The following MTUS2 variants were observed in gnomAD, a reference collection of about 807,000 sequenced individuals.
MTUS2 encodes the protein microtubule-associated tumor suppressor candidate 2.
MTUS2 carries 40 observed loss-of-function variants against 114.1 expected under a neutral mutation model. The ratio of observed to expected loss-of-function variants is 0.35; its 90% CI spans 0.27 to 0.46. The LOEUF is 0.46. Among genes scored for constraint, MTUS2 ranks in the 20% least tolerant of loss-of-function variants. The probability of loss-of-function intolerance (pLI) is 1.00; values close to 1 mark genes in which losing one functional copy is unlikely to be tolerated. For synonymous variants in MTUS2, 688 were observed against 672.0 expected, an observed-to-expected ratio of 1.02 and a Z score of -0.37; for missense variants, 1,679 against 1,705.4, an observed-to-expected ratio of 0.98 and a Z score of 0.27.
chr13:29,207,188 A>G (rs184707154), intron 5 of MTUS2, among the ~76,000 whole-genome samples: 57 of 152,082 alleles, frequency 3.7e-4, no homozygotes, highest in Admixed American at 6.5e-4. Flanking sequence ...TTTTGCAGCT[A>G]TTGTAAAAGG....
intron 8 of MTUS2, among the ~76,000 whole-genome samples, chr13:29,412,914 A>G (rs1184607839): frequency 6.6e-6 from 1 of 152,094 alleles, no homozygotes; most frequent in African/African-American, 2.4e-5. Flanking sequence ...TCTCGTCTTT[A>G]CCAGCTTCAC....
At chr13:29,493,232 C>T (rs368558622) in intron 12 of MTUS2, among the ~76,000 whole-genome samples, 1 of 152,182 alleles carries the variant, frequency 6.6e-6, no homozygotes, top group Non-Finnish European at 1.5e-5. Context: ...GTCTCAGATG[C>T]CAGAGGAGCT....
chr13:29,224,618 C>A (rs1197234790), intron 5 of MTUS2, among the ~76,000 whole-genome samples: 1 of 151,920 alleles, frequency 6.6e-6, no homozygotes, highest in Non-Finnish European at 1.5e-5. Context: ...TTCTAAGTAT[C>A]CTAAATATTC....
intron 2 of MTUS2, among the ~76,000 whole-genome samples, chr13:28,971,825 C>CA (rs1883870895): frequency 6.6e-6 from 1 of 152,070 alleles, no homozygotes; most frequent in Non-Finnish European, 1.5e-5. Context: ...TCCATGTGGC[C>CA]AAAACAGGAC....
chr13:29,327,384 T>C (rs146038925), intron 7 of MTUS2, among the ~76,000 whole-genome samples: 2 of 152,266 alleles, frequency 1.3e-5, no homozygotes, highest in African/African-American at 4.8e-5. Context: ...CCCTTTGTCA[T>C]ACCACCTGCC....
intron 12 of MTUS2, among the ~76,000 whole-genome samples, chr13:29,495,788 T>A (rs544321501): frequency 6.6e-6 from 1 of 152,104 alleles, no homozygotes; most frequent in South Asian, 2.1e-4. Context: ...GGAGGATCAC[T>A]TGAGTCTGGG....
In MTUS2 at chr13:29,492,708, C is replaced by T; in HGVS notation, c.3568C>T (p.Leu1190=). Reference sequence around the variant, plus strand: ...GGAAGAAAATTTTGAAAAACTGCGGCTGTCATTGCAGGTTAGTATTTCTTT... The same window carrying T: ...GGAAGAAAATTTTGAAAAACTGCGGTTGTCATTGCAGGTTAGTATTTCTTT... The part of the protein sequence containing the change: ...ELEENFEKLR[L]SLQDQVDTLT... Residue 1190 remains leucine, a synonymous_variant, in exon 12 of 16, where the codon CTG becomes TTG. Coordinates refer to ENST00000612955, the MANE Select transcript of MTUS2 (RefSeq NM_001033602.4). 3 of 1,612,926 alleles carry T rather than the reference C, an allele frequency of 1.9e-6. No individual in the cohort carries two copies. Among genetic ancestry groups the T allele is most frequent in the Non-Finnish European group, 2.5e-6 (3 of 1,179,002 alleles).
intron 5 of MTUS2, among the ~76,000 whole-genome samples, chr13:29,124,050 A>C (rs1248273471): frequency 6.6e-6 from 1 of 152,206 alleles, no homozygotes; most frequent in Non-Finnish European, 1.5e-5. Flanking sequence ...TAAGGTAAAC[A>C]CATTAGCTTG....
Position 29,503,338 on chromosome 13 carries a change from C to T in MTUS2, c.*132C>T, listed in dbSNP as rs1883037586. 1.0e-6 allele frequency: 1 copy of T among 978,794 alleles called. No homozygotes were observed. Among genetic ancestry groups the T allele is most frequent in the South Asian group, 1.5e-5 (1 of 65,394 alleles). The allele number at this position is 978,794 out of a possible 1,614,324, so 60.6% of individuals were successfully genotyped here. On this transcript the variant is annotated 3_prime_UTR_variant, in exon 16 of 16. Transcript: ENST00000612955. Reference sequence around the variant, plus strand: ...AGCTGCGAATGCATCCTAGGCGCGTCCTCCTCTGATCCCCGTGTAAGACTG... The same window carrying T: ...AGCTGCGAATGCATCCTAGGCGCGTTCTCCTCTGATCCCCGTGTAAGACTG...
chr13:28,923,944 A>G (rs945070302), intron 2 of MTUS2, among the ~76,000 whole-genome samples: 3 of 151,988 alleles, frequency 2.0e-5, no homozygotes, highest in African/African-American at 7.3e-5. Context: ...CACCCTCCCC[A>G]CCGTGATTCT....
At chr13:29,499,377 C>A (rs967912303) in intron 14 of MTUS2, among the ~76,000 whole-genome samples, 7 of 152,200 alleles carry the variant, frequency 4.6e-5, no homozygotes, top group African/African-American at 1.7e-4. Flanking sequence ...CCAAGGGCAG[C>A]CCATCTTGAT....
rs530261401 is a variant in MTUS2, at chr13:28,858,502, C to G, written c.-243+18652C>G. Among the ~76,000 whole-genome samples the G allele has an allele frequency of 3.9e-5, 6 of 152,270 alleles. No homozygotes were observed. The South Asian group carries it at 1.2e-3, about 32-fold the overall frequency. ...TCCCAGGCAGGTAGGACAGGCAGAA[C>G]ATTGTTGTCATTATCTATGGCAACA... On this transcript the variant is annotated intron_variant, in intron 2 of 15. Coordinates refer to ENST00000612955, the MANE Select transcript of MTUS2 (RefSeq NM_001033602.4).
intron 5 of MTUS2, among the ~76,000 whole-genome samples, chr13:29,163,465 G>T (rs1018202978): frequency 1.3e-5 from 2 of 152,158 alleles, no homozygotes; most frequent in Non-Finnish European, 2.9e-5. Flanking sequence ...ACAAGTGTCT[G>T]TAGGAACACA....
chr13:29,266,022 A>G (rs1249528702), intron 5 of MTUS2, among the ~76,000 whole-genome samples: 1 of 152,184 alleles, frequency 6.6e-6, no homozygotes, highest in Non-Finnish European at 1.5e-5. Flanking sequence ...CAGACCACTG[A>G]GAGTGATCAT....
chr13:28,860,194 A>C (rs1470139803), intron 2 of MTUS2, among the ~76,000 whole-genome samples: 1 of 152,202 alleles, frequency 6.6e-6, no homozygotes, highest in East Asian at 1.9e-4. Context: ...TTAAACAAAT[A>C]CTGTTGTTTC....
chr13:29,303,737 T>TC (rs1200793250), intron 6 of MTUS2, among the ~76,000 whole-genome samples: 1 of 152,064 alleles, frequency 6.6e-6, no homozygotes, highest in Non-Finnish European at 1.5e-5. Context: ...CAGGAGAATT[T>TC]CCCCAGCCTA....
intron 7 of MTUS2, among the ~76,000 whole-genome samples, chr13:29,350,966 T>TATATATATATATTTC (rs1386127775): frequency 6.5e-4 from 15 of 23,192 alleles, no homozygotes; most frequent in Non-Finnish European, 1.1e-3. Flanking sequence ...ATTTCATATA[T>TATATATATATATTTC]ATATATATAT....
chr13:28,996,653 C>T (rs1457832918), intron 2 of MTUS2, among the ~76,000 whole-genome samples: 1 of 152,074 alleles, frequency 6.6e-6, no homozygotes, highest in Non-Finnish European at 1.5e-5. Flanking sequence ...AGGAATTTAT[C>T]CATTTCTTCT....
At chr13:29,029,232 C>G (rs1886702129) in intron 3 of MTUS2, among the ~76,000 whole-genome samples, 1 of 152,174 alleles carries the variant, frequency 6.6e-6, no homozygotes, top group South Asian at 2.1e-4. Context: ...CTGGAGAATT[C>G]AGGGGTCCAG....
Sources: allele counts gnomAD v4.1 joint callset (sites outside exome capture counted in the v4.1 genomes callset), GRCh38; gene constraint gnomAD v4.1.1; transcripts MANE v1.5; gene names NCBI Gene and HGNC (gene_info 2026-07-23, HGNC 2026-07-21).